The following CDH18 variants were observed in gnomAD, a reference collection of about 807,000 sequenced individuals.
CDH18 encodes cadherin 18.
Under a neutral mutation model 67.9 loss-of-function variants are expected in CDH18, and 31 were observed. The ratio of observed to expected loss-of-function variants is 0.46; its 90% CI spans 0.34 to 0.62. The LOEUF (loss-of-function observed/expected upper bound fraction) is 0.62, where lower values mean the gene tolerates loss of function less well. CDH18 is among the 20% of genes least tolerant of loss of function. The pLI is 0.01. For synonymous variants in CDH18, 362 were observed against 347.2 expected (o/e 1.04, Z -0.48); for missense variants, 890 against 975.5 (o/e 0.91, Z 1.17).
Position 19,887,296 on chromosome 5 carries a change from C to A in CDH18, c.-256-48054G>T, listed in dbSNP as rs572348547. The stretch of plus-strand genomic sequence containing the variant: ...CCAATGTAGCTATTTCTCCTTATCT[C>A]ATTGGTTTCTATGAGTTATATTCTG... On this transcript the variant is annotated intron_variant, in intron 2 of 12. Transcript: ENST00000382275. 4.6e-5 allele frequency among the ~76,000 whole-genome samples: 7 copies of A among 151,830 alleles called. No homozygotes were observed. The South Asian group carries it at 1.5e-3, about 32-fold the overall frequency.
intron 1 of CDH18, among the ~76,000 whole-genome samples, chr5:20,449,540 T>A (rs548495007): frequency 6.6e-6 from 1 of 152,040 alleles, no homozygotes; most frequent in African/African-American, 2.4e-5. Flanking sequence ...ATAACTGGTC[T>A]AGGTCATGTT....
chr5:19,845,375 A>G (rs568814660), intron 2 of CDH18, among the ~76,000 whole-genome samples: 1 of 152,222 alleles, frequency 6.6e-6, no homozygotes, highest in Non-Finnish European at 1.5e-5. Flanking sequence ...TTTGGAAAAG[A>G]CACCAGCTAT....
chr5:20,291,635 A>T (rs916481260), intron 1 of CDH18, among the ~76,000 whole-genome samples: 1 of 152,138 alleles, frequency 6.6e-6, no homozygotes, highest in South Asian at 2.1e-4. Context: ...CCAACATGAG[A>T]TGTGTTTTGT....
At chr5:20,241,357 T>A (rs1580558814) in intron 2 of CDH18, among the ~76,000 whole-genome samples, 1 of 152,176 alleles carries the variant, frequency 6.6e-6, no homozygotes, top group Non-Finnish European at 1.5e-5. Flanking sequence ...ATTACGCCAG[T>A]CCTAACAGCA....
At chr5:20,567,554 G>A (rs1038777349) in intron 1 of CDH18, among the ~76,000 whole-genome samples, 15 of 152,138 alleles carry the variant, frequency 9.9e-5, no homozygotes, top group African/African-American at 3.1e-4. Context: ...AAATGCTTCC[G>A]GAATTGCCCA....
chr5:19,510,698 C>G (rs77574379), intron 10 of CDH18, among the ~76,000 whole-genome samples: 6,728 of 152,148 alleles, frequency 0.044, 213 homozygotes, highest in Non-Finnish European at 0.071. Flanking sequence ...CCCATAATCC[C>G]CACATTATAA....
intron 2 of CDH18, among the ~76,000 whole-genome samples, chr5:19,890,029 T>A (rs924680554): frequency 3.9e-5 from 6 of 152,172 alleles, no homozygotes; most frequent in African/African-American, 1.4e-4. Context: ...ATAATCAAAT[T>A]ACCACAAACT....
chr5:20,145,013 C>T (rs1750530321), intron 2 of CDH18, among the ~76,000 whole-genome samples: 1 of 152,152 alleles, frequency 6.6e-6, no homozygotes, highest in Admixed American at 6.5e-5. Flanking sequence ...ATTCCATGAT[C>T]TTTGACTTCT....
At chr5:19,590,380 T>A (rs1211288669) in intron 7 of CDH18, among the ~76,000 whole-genome samples, 2 of 152,028 alleles carry the variant, frequency 1.3e-5, no homozygotes, top group Non-Finnish European at 2.9e-5. Flanking sequence ...CAAGTTAATT[T>A]TCAATTTTAA....
intron 11 of CDH18, among the ~76,000 whole-genome samples, chr5:19,497,393 T>C (rs1346363456): frequency 6.6e-6 from 1 of 152,216 alleles, no homozygotes; most frequent in Non-Finnish European, 1.5e-5. Flanking sequence ...AGCTCCATGC[T>C]AGTATTTCCA....
intron 2 of CDH18, among the ~76,000 whole-genome samples, chr5:19,882,502 A>G (rs1787762461): frequency 6.6e-6 from 1 of 152,174 alleles, no homozygotes; most frequent in Admixed American, 6.5e-5. Context: ...TTGTTTAAAA[A>G]TTGGAAATAT....
At chr5:19,996,335 C>T (rs542050775) in intron 2 of CDH18, among the ~76,000 whole-genome samples, 4 of 151,976 alleles carry the variant, frequency 2.6e-5, no homozygotes, top group Admixed American at 6.6e-5. Context: ...TTATATTCTA[C>T]AGTGTACATG....
At chr5:20,211,251 C>T (rs897885540) in intron 2 of CDH18, among the ~76,000 whole-genome samples, 1 of 152,074 alleles carries the variant, frequency 6.6e-6, no homozygotes, top group Non-Finnish European at 1.5e-5. Flanking sequence ...ACAAAGCAGC[C>T]GGGAAGCTCG....
intron 1 of CDH18, among the ~76,000 whole-genome samples, chr5:20,478,825 T>C (rs1752606552): frequency 6.6e-6 from 1 of 152,176 alleles, no homozygotes; most frequent in Non-Finnish European, 1.5e-5. Flanking sequence ...TGGCTTTGGG[T>C]CTGACCCAGC....
chr5:20,350,901 G>A (rs1741116612), intron 1 of CDH18, among the ~76,000 whole-genome samples: 1 of 151,756 alleles, frequency 6.6e-6, no homozygotes, highest in African/African-American at 2.4e-5. Context: ...TAATGAAAGA[G>A]GGTAAATTAA....
intron 2 of CDH18, among the ~76,000 whole-genome samples, chr5:20,221,049 G>A (rs1214669475): frequency 1.3e-5 from 2 of 152,030 alleles, no homozygotes; most frequent in Admixed American, 6.6e-5. Context: ...AATATTTAGG[G>A]AGAACAGTTT....
chr5:20,209,997 T>G (rs1740230342), intron 2 of CDH18, among the ~76,000 whole-genome samples: 1 of 151,382 alleles, frequency 6.6e-6, no homozygotes, highest in South Asian at 2.1e-4. Context: ...TAAATAATAA[T>G]GTAAGATTAA....
chr5:20,256,597 G>C (rs934519465), intron 1 of CDH18, among the ~76,000 whole-genome samples: 1 of 152,036 alleles, frequency 6.6e-6, no homozygotes, highest in Non-Finnish European at 1.5e-5. Flanking sequence ...AATGCTGGGA[G>C]GGGTGGACGA....
chr5:20,000,402 A>C (rs750957055), intron 2 of CDH18, among the ~76,000 whole-genome samples: 1 of 152,222 alleles, frequency 6.6e-6, no homozygotes, highest in African/African-American at 2.4e-5. Flanking sequence ...TAGAGAAAGG[A>C]TTACACATAA....
Sources: gnomAD v4.1 joint callset for allele counts (sites outside exome capture counted in the v4.1 genomes callset) on GRCh38, gnomAD v4.1.1 for gene constraint, MANE v1.5 for transcripts, NCBI Gene and HGNC (gene_info 2026-07-23, HGNC 2026-07-21) for gene names.